The following KCNQ3 variants were observed in gnomAD, a reference collection of about 807,000 sequenced individuals.
KCNQ3 encodes potassium voltage-gated channel subfamily Q member 3.
In KCNQ3, 30 loss-of-function variants were observed where a neutral mutation model predicts 92.5. That is an observed-to-expected ratio of 0.32 (90% CI 0.24 to 0.44). KCNQ3 has a LOEUF of 0.44. KCNQ3 is among the 20% of genes least tolerant of loss of function. The pLI, the probability that KCNQ3 is intolerant of heterozygous loss-of-function variation, is 1.00. For synonymous variants in KCNQ3, 450 were observed against 468.8 expected (o/e 0.96, Z 0.52); for missense variants, 913 against 1,140.3 (o/e 0.80, Z 2.87).
At chr8:132,187,827 GGTGATTGTGGTGGTGGTGGTGGTA>G (rs1827032293) in intron 1 of KCNQ3, among the ~76,000 whole-genome samples, 1 of 135,960 alleles carries the variant, frequency 7.4e-6, no homozygotes, top group Non-Finnish European at 1.5e-5. Context: ...TGGTGGTGGT[GGTGATTGTGGTGGTGGTGGTGGTA>G]GTGATGGTGG....
At position 132,160,641 on chromosome 8, in the gene KCNQ3, A is replaced by G. The variant is rs969848100; in HGVS notation, c.1262+2827T>C. On this transcript the variant is annotated intron_variant, in intron 9 of 14. Transcript: ENST00000388996. ...TAATAACTTTCAAATCAGTTTATTG[A>G]AAAGAACTCAAGCCCATAGTCAGTT... Among the ~76,000 whole-genome samples, 7 of 149,310 alleles carry G rather than the reference A, an allele frequency of 4.7e-5. No individual in the cohort carries two copies. The East Asian group carries it at 9.7e-4, about 21-fold the overall frequency.
At chr8:132,380,931 G>GA (rs553931640) in intron 1 of KCNQ3, among the ~76,000 whole-genome samples, 1,546 of 87,440 alleles carry the variant, frequency 0.018, 15 homozygotes, top group Non-Finnish European at 0.027. Flanking sequence ...AATGAAAGCA[G>GA]AAAAAAAAAA....
At chr8:132,459,059 C>A (rs1484715810) in intron 1 of KCNQ3, among the ~76,000 whole-genome samples, 1 of 152,006 alleles carries the variant, frequency 6.6e-6, no homozygotes, top group Non-Finnish European at 1.5e-5. Context: ...TTTTAGATGA[C>A]CTTGATAGTT....
chr8:132,308,123 T>C (rs943762294), intron 1 of KCNQ3, among the ~76,000 whole-genome samples: 3 of 152,076 alleles, frequency 2.0e-5, no homozygotes, highest in African/African-American at 7.2e-5. Flanking sequence ...ATATCTCCTA[T>C]CTCACGGGGC....
At chr8:132,181,200 A>G in intron 3 of KCNQ3, among the ~76,000 whole-genome samples, 1 of 152,214 alleles carries the variant, frequency 6.6e-6, no homozygotes, top group East Asian at 1.9e-4. Flanking sequence ...GGCTCTTGAC[A>G]TCAAATCCTC....
chr8:132,210,303 G>A (rs1464344544), intron 1 of KCNQ3, among the ~76,000 whole-genome samples: 1 of 152,160 alleles, frequency 6.6e-6, no homozygotes, highest in Non-Finnish European at 1.5e-5. Flanking sequence ...GTGTGGATGT[G>A]AGCCATGTCT....
intron 1 of KCNQ3, among the ~76,000 whole-genome samples, chr8:132,387,975 A>AGAAGAG (rs142079064): frequency 1.3e-5 from 2 of 150,196 alleles, no homozygotes; most frequent in East Asian, 1.9e-4. Flanking sequence ...AAGAAGGAGG[A>AGAAGAG]GAAGAGGAAG....
At chr8:132,479,661 C>T (rs1360956085) in intron 1 of KCNQ3, among the ~76,000 whole-genome samples, 2 of 128,782 alleles carry the variant, frequency 1.6e-5, no homozygotes, top group Non-Finnish European at 3.3e-5. Flanking sequence ...ACACACGCTC[C>T]CCACTATGGG....
intron 1 of KCNQ3, among the ~76,000 whole-genome samples, chr8:132,273,026 G>A (rs921435506): frequency 2.6e-5 from 4 of 152,272 alleles, no homozygotes; most frequent in Admixed American, 1.3e-4. Context: ...CAGGCCCACG[G>A]TGCAAGCTGT....
At chr8:132,335,596 C>T (rs1235319701) in intron 1 of KCNQ3, among the ~76,000 whole-genome samples, 3 of 152,176 alleles carry the variant, frequency 2.0e-5, no homozygotes, top group Non-Finnish European at 4.4e-5. Context: ...TTGGGGATGT[C>T]AGGTCTCCTT....
At chr8:132,227,560 A>G (rs1308987951) in intron 1 of KCNQ3, among the ~76,000 whole-genome samples, 1 of 152,222 alleles carries the variant, frequency 6.6e-6, no homozygotes, top group Non-Finnish European at 1.5e-5. Flanking sequence ...AAGTTTCTGC[A>G]GTTTAAGCCA....
chr8:132,199,802 C>T (rs998326767), intron 1 of KCNQ3, among the ~76,000 whole-genome samples: 3 of 151,166 alleles, frequency 2.0e-5, no homozygotes, highest in Admixed American at 6.6e-5. Context: ...CTCAGCTATT[C>T]GGGAGGCTGA....
At chr8:132,209,289 C>G (rs1231682942) in intron 1 of KCNQ3, among the ~76,000 whole-genome samples, 2 of 152,172 alleles carry the variant, frequency 1.3e-5, no homozygotes, top group Non-Finnish European at 2.9e-5. Context: ...TAAACCTGTG[C>G]TCCTCCTCTG....
intron 1 of KCNQ3, among the ~76,000 whole-genome samples, chr8:132,427,025 G>C (rs531830924): frequency 7.9e-5 from 12 of 152,310 alleles, no homozygotes; most frequent in Admixed American, 7.2e-4. Flanking sequence ...ATCAGCAAGA[G>C]AGTGGTGCTT....
At chr8:132,229,047 A>C (rs1814538073) in intron 1 of KCNQ3, among the ~76,000 whole-genome samples, 1 of 152,152 alleles carries the variant, frequency 6.6e-6, no homozygotes, top group African/African-American at 2.4e-5. Flanking sequence ...CGAGGTCAAG[A>C]GATTGATACC....
chr8:132,253,617 CT>C (rs1219804290), intron 1 of KCNQ3, among the ~76,000 whole-genome samples: 1 of 152,220 alleles, frequency 6.6e-6, no homozygotes, highest in Non-Finnish European at 1.5e-5. Flanking sequence ...CATTTTCCCT[CT>C]GCTTCGTTTT....
intron 1 of KCNQ3, among the ~76,000 whole-genome samples, chr8:132,247,578 G>C (rs900610812): frequency 1.3e-5 from 2 of 152,014 alleles, no homozygotes; most frequent in Non-Finnish European, 2.9e-5. Context: ...CCTGAGGTCA[G>C]GAGTTTGAGA....
At chr8:132,242,998 A>G (rs994052526) in intron 1 of KCNQ3, among the ~76,000 whole-genome samples, 1 of 152,244 alleles carries the variant, frequency 6.6e-6, no homozygotes, top group African/African-American at 2.4e-5. Context: ...CCAAAGAAAC[A>G]GTGGCAATCT....
chr8:132,348,325 C>G (rs1013924655), intron 1 of KCNQ3, among the ~76,000 whole-genome samples: 1 of 152,110 alleles, frequency 6.6e-6, no homozygotes, highest in African/African-American at 2.4e-5. Flanking sequence ...TTGCAACAGA[C>G]GGTTTGCTGG....
Sources: gnomAD v4.1 joint callset for allele counts (sites outside exome capture counted in the v4.1 genomes callset) on GRCh38, gnomAD v4.1.1 for gene constraint, MANE v1.5 for transcripts, NCBI Gene and HGNC (gene_info 2026-07-23, HGNC 2026-07-21) for gene names.